Variants in NFIA observed in about 807,000 individuals in gnomAD.
NFIA encodes nuclear factor 1 A-type.
Under a neutral mutation model 62.8 loss-of-function variants are expected in NFIA, and 8 were observed. The observed-to-expected ratio is 0.13, with a 90% CI of 0.07 to 0.23. The LOEUF (loss-of-function observed/expected upper bound fraction) is 0.23, where lower values mean the gene tolerates loss of function less well. Among genes scored for constraint, NFIA ranks in the 10% least tolerant of loss-of-function variants. The probability of loss-of-function intolerance (pLI) is 1.00; values close to 1 mark genes in which losing one functional copy is unlikely to be tolerated. For missense variants in NFIA, 410 were observed against 642.1 expected (o/e 0.64, Z 3.91); for synonymous variants, 235 against 238.1 (o/e 0.99, Z 0.12).
intron 3 of NFIA, among the ~76,000 whole-genome samples, chr1:61,295,827 G>A (rs1659161282): frequency 6.6e-6 from 1 of 152,196 alleles, no homozygotes; most frequent in African/African-American, 2.4e-5. Flanking sequence ...ATAATTTTGA[G>A]TCATTAGGAA....
chr1:61,437,822 A>T (rs1030733162), intron 10 of NFIA, among the ~76,000 whole-genome samples: 2 of 152,146 alleles, frequency 1.3e-5, no homozygotes, highest in African/African-American at 2.4e-5. Flanking sequence ...ATGCAAAGGA[A>T]CAGCAGTGTG....
intron 4 of NFIA, among the ~76,000 whole-genome samples, chr1:61,336,625 G>C (rs1661623183): frequency 6.6e-6 from 1 of 152,120 alleles, no homozygotes; most frequent in African/African-American, 2.4e-5. Context: ...GGTATCATAT[G>C]GAATAGTTTT....
rs368287603 is a variant in NFIA, at chr1:61,433,742, ATTG to A, written c.1512+7189_1512+7191del. 4.5e-3 allele frequency among the ~76,000 whole-genome samples: 679 copies of A among 152,224 alleles called. 7 individuals carry two copies. The highest frequency in any genetic ancestry group is 0.015 in the African/African-American group (642 of 41,532). ...GTTACACTTTGAAGTAGGCAGAGCT[ATTG>A]TTATTATTGTTATCCCCACTGTATA... On this transcript the variant is annotated intron_variant, in intron 10 of 10. Coordinates refer to ENST00000403491, the MANE Select transcript of NFIA (RefSeq NM_001134673.4).
intron 10 of NFIA, among the ~76,000 whole-genome samples, chr1:61,453,640 C>T (rs1187586673): frequency 2.6e-5 from 4 of 151,862 alleles, no homozygotes; most frequent in African/African-American, 9.7e-5. Context: ...ATTTCACAAC[C>T]GACTTAGAAA....
intron 3 of NFIA, among the ~76,000 whole-genome samples, chr1:61,324,349 T>G (rs1417529735): frequency 6.6e-6 from 1 of 152,188 alleles, no homozygotes; most frequent in African/African-American, 2.4e-5. Flanking sequence ...ATCATTGGCC[T>G]GTCTTGTTAT....
In NFIA at chr1:61,320,696, A is replaced by G. The variant is rs1660636566; in HGVS notation, c.626-11816A>G. Among the ~76,000 whole-genome samples the G allele has an allele frequency of 3.3e-5, 5 of 152,208 alleles. No individual in the cohort carries two copies. In the South Asian group the frequency reaches 1.0e-3, roughly 32 times the overall value. ...TTTCATTATCATTGCATGTGTCCTC[A>G]GGTGGTTTAGCAAGCAGGATTCTCT... On this transcript the variant is annotated intron_variant, in intron 3 of 10. Transcript: ENST00000403491.
intron 2 of NFIA, among the ~76,000 whole-genome samples, chr1:61,247,725 T>A (rs1345390432): frequency 6.6e-6 from 1 of 152,122 alleles, no homozygotes; most frequent in Non-Finnish European, 1.5e-5. Context: ...GCCTTTGAGT[T>A]GAGTTTGCTG....
chr1:61,355,064 G>C (rs573323255), intron 5 of NFIA, among the ~76,000 whole-genome samples: 2 of 152,218 alleles, frequency 1.3e-5, no homozygotes, highest in South Asian at 4.2e-4. Flanking sequence ...CTTCTAGGCC[G>C]TAATTACACA....
At chr1:61,331,574 G>A (rs1194851463) in intron 3 of NFIA, among the ~76,000 whole-genome samples, 3 of 151,730 alleles carry the variant, frequency 2.0e-5, no homozygotes, top group East Asian at 1.9e-4. Context: ...AAATCCCTTC[G>A]GCCAACAATT....
intron 2 of NFIA, among the ~76,000 whole-genome samples, chr1:61,132,111 A>G (rs1453241379): frequency 6.6e-6 from 1 of 152,160 alleles, no homozygotes; most frequent in African/African-American, 2.4e-5. Context: ...AGTAAACCCA[A>G]TTTGCTTGTT....
At chr1:61,176,096 CAG>C (rs1650320636) in intron 2 of NFIA, among the ~76,000 whole-genome samples, 1 of 152,152 alleles carries the variant, frequency 6.6e-6, no homozygotes, top group African/African-American at 2.4e-5. Context: ...TTGGGGAGAA[CAG>C]GGTGTGTTCC....
intron 2 of NFIA, among the ~76,000 whole-genome samples, chr1:61,149,057 CTTTTTTTTTT>C (rs3067418): frequency 6.6e-5 from 9 of 136,086 alleles, no homozygotes; most frequent in African/African-American, 1.9e-4. Context: ...TTCTTTCTTT[CTTTTTTTTTT>C]TTTTTTTGGA....
At chr1:61,310,362 C>T (rs1305731433) in intron 3 of NFIA, among the ~76,000 whole-genome samples, 1 of 152,188 alleles carries the variant, frequency 6.6e-6, no homozygotes, top group Non-Finnish European at 1.5e-5. Context: ...TACTACTCTT[C>T]AGGAACTCTT....
At chr1:61,198,188 C>G (rs1652170965) in intron 2 of NFIA, among the ~76,000 whole-genome samples, 1 of 152,136 alleles carries the variant, frequency 6.6e-6, no homozygotes, top group South Asian at 2.1e-4. Context: ...ACATTTAATT[C>G]ATCACAGAAA....
rs979237752 is a variant in NFIA, at chr1:61,117,857, T to A, written c.559+29177T>A. Among the ~76,000 whole-genome samples, 3 of 152,134 alleles carry A rather than the reference T, an allele frequency of 2.0e-5. No individual in the cohort carries two copies. In the East Asian group the frequency reaches 5.8e-4, roughly 29 times the overall value. On this transcript the variant is annotated intron_variant, in intron 2 of 10. Coordinates refer to ENST00000403491, the MANE Select transcript of NFIA (RefSeq NM_001134673.4). Reference sequence around the variant, plus strand: ...GTGATAAAAGTAGGTACCAGTTCATTAGTTGCTTTCCAGTGGGGCACAAAT... The same window carrying A: ...GTGATAAAAGTAGGTACCAGTTCATAAGTTGCTTTCCAGTGGGGCACAAAT...
At chr1:61,420,734 A>T (rs907406603) in intron 9 of NFIA, among the ~76,000 whole-genome samples, 3 of 152,196 alleles carry the variant, frequency 2.0e-5, no homozygotes, top group Non-Finnish European at 2.9e-5. Flanking sequence ...GAGGGAACAC[A>T]TGAAGGTGCA....
intron 2 of NFIA, among the ~76,000 whole-genome samples, chr1:61,274,992 T>C (rs1026531710): frequency 1.3e-5 from 2 of 152,190 alleles, no homozygotes; most frequent in Non-Finnish European, 2.9e-5. Flanking sequence ...ATGCATTTTC[T>C]TGTAGATCTT....
intron 3 of NFIA, among the ~76,000 whole-genome samples, chr1:61,306,265 TGTTC>T (rs1367524609): frequency 8.3e-6 from 1 of 120,572 alleles, no homozygotes; most frequent in African/African-American, 4.3e-5. Flanking sequence ...ACCCAGATTT[TGTTC>T]TTTTTTTTTT....
chr1:61,456,557 C>G lies in NFIA; in HGVS notation c.*1237C>G, dbSNP rs888092359. ...TACGCCAATTCTAAAAAATTTTACA[C>G]CTATCTGGCATCATAGGATTTATCA... On this transcript the variant is annotated 3_prime_UTR_variant, in exon 11 of 11. Transcript: ENST00000403491. The G allele has an allele frequency of 4.0e-5, 6 of 151,558 alleles. No homozygotes were observed. The highest frequency in any genetic ancestry group is 8.8e-5 in the Non-Finnish European group (6 of 67,888). 9.4% of individuals were successfully genotyped at this position (151,558 alleles called of 1,614,324 possible). A position where few individuals can be genotyped will look rare whatever the true frequency, so the allele number is the denominator to read the frequency against.
Sources: gnomAD v4.1 joint callset for allele counts (sites outside exome capture counted in the v4.1 genomes callset) on GRCh38, gnomAD v4.1.1 for gene constraint, MANE v1.5 for transcripts, NCBI Gene and HGNC (gene_info 2026-07-23, HGNC 2026-07-21) for gene names.